Variants in UNC5D observed in about 807,000 individuals in gnomAD.
UNC5D encodes the protein unc-5 netrin receptor D.
Under a neutral mutation model 105.4 loss-of-function variants are expected in UNC5D, and 39 were observed. That is an observed-to-expected ratio of 0.37 (90% CI 0.29 to 0.48). The LOEUF (loss-of-function observed/expected upper bound fraction) is 0.48, where lower values mean the gene tolerates loss of function less well. UNC5D is among the 20% of genes least tolerant of loss of function. The pLI, the probability that UNC5D is intolerant of heterozygous loss-of-function variation, is 0.98. For synonymous variants in UNC5D, 452 were observed against 450.4 expected, an observed-to-expected ratio of 1.00 and a Z score of -0.04; for missense variants, 991 against 1,202.4, an observed-to-expected ratio of 0.82 and a Z score of 2.60.
chr8:35,525,462 T>C (rs2130488458), intron 1 of UNC5D: 1 of 1,612,308 alleles, frequency 6.2e-7, no homozygotes, highest in Non-Finnish European at 8.5e-7. Context: ...TGCATAGGCC[T>C]GGCTCAGCTT....
intron 1 of UNC5D, among the ~76,000 whole-genome samples, chr8:35,521,951 G>C (rs1199957872): frequency 6.6e-6 from 1 of 152,094 alleles, no homozygotes; most frequent in African/African-American, 2.4e-5. Context: ...TCATAAATTA[G>C]AGCAATGATC....
At chr8:35,278,689 A>T (rs761907729) in intron 1 of UNC5D, among the ~76,000 whole-genome samples, 7 of 152,140 alleles carry the variant, frequency 4.6e-5, no homozygotes, top group Non-Finnish European at 8.8e-5. Context: ...ACAAATTAAC[A>T]TATTCATCTC....
At chr8:35,551,077 T>C (rs1816101030) in intron 2 of UNC5D, among the ~76,000 whole-genome samples, 1 of 152,134 alleles carries the variant, frequency 6.6e-6, no homozygotes. Flanking sequence ...TGATCGATCA[T>C]ATTGATGTAC....
chr8:35,605,454 A>G lies in UNC5D; in HGVS notation c.570+9797A>G, dbSNP rs934428029. Among the ~76,000 whole-genome samples, 70 of 152,292 alleles carry G rather than the reference A, an allele frequency of 4.6e-4. 1 individual carries two copies. Among genetic ancestry groups the G allele is most frequent in the African/African-American group, 1.6e-3 (66 of 41,564 alleles). ...CCGTATGAGGTGTCAGTCCACCCCT[A>G]CTGGGGGTTGCCTCTCAGTTAGGCT... On this transcript the variant is annotated intron_variant, in intron 4 of 16. Transcript: ENST00000404895.
chr8:35,264,702 C>A (rs1456530162), intron 1 of UNC5D, among the ~76,000 whole-genome samples: 1 of 150,416 alleles, frequency 6.6e-6, no homozygotes, highest in East Asian at 1.9e-4. Context: ...TGCACTCCAG[C>A]CTGGGTGATG....
intron 4 of UNC5D, among the ~76,000 whole-genome samples, chr8:35,654,890 C>A (rs905099150): frequency 6.6e-6 from 1 of 152,046 alleles, no homozygotes; most frequent in Non-Finnish European, 1.5e-5. Context: ...TTTCTCAGAT[C>A]GAAAGCAAGG....
chr8:35,629,737 G>A (rs1821923272), intron 4 of UNC5D, among the ~76,000 whole-genome samples: 1 of 152,106 alleles, frequency 6.6e-6, no homozygotes, highest in Non-Finnish European at 1.5e-5. Flanking sequence ...TGTAATTAGA[G>A]ATATCTTTTA....
intron 1 of UNC5D, among the ~76,000 whole-genome samples, chr8:35,338,784 T>C (rs1215255677): frequency 6.6e-6 from 1 of 152,170 alleles, no homozygotes. Flanking sequence ...ATGTTTTCCA[T>C]GCACAAGCCC....
chr8:35,507,631 A>G (rs2589347), intron 1 of UNC5D, among the ~76,000 whole-genome samples: 69,661 of 151,092 alleles, frequency 0.46, 20,176 homozygotes, highest in African/African-American at 0.82. Context: ...TGGGGGAGGT[A>G]AAGGGGAGGT....
rs1357940211 is a variant in UNC5D, at chr8:35,248,672, TATATATAATATATATAAAATATATAAAA to T, written c.103+12841_103+12868del. On this transcript the variant is annotated intron_variant, in intron 1 of 16. Transcript: ENST00000404895. Reference sequence around the variant, plus strand: ...TATATTTATAAATATAAATATATGTTATATATAATATATATAAAATATATAAAAATATATAATATATATAAAATATATA... The same window carrying T: ...TATATTTATAAATATAAATATATGTTATATATAATATATATAAAATATATA... Among the ~76,000 whole-genome samples, 404 of 98,162 alleles carry T rather than the reference TATATATAATATATATAAAATATATAAAA, an allele frequency of 4.1e-3. 9 individuals carry two copies. Among genetic ancestry groups the T allele is most frequent in the African/African-American group, 0.016 (377 of 23,296 alleles). The allele number at this position is 98,162 out of a possible 152,430, so 64.4% of individuals were successfully genotyped here.
At chr8:35,448,348 T>C (rs12545139) in intron 1 of UNC5D, among the ~76,000 whole-genome samples, 40,683 of 151,924 alleles carry the variant, frequency 0.27, 6,010 homozygotes, top group East Asian at 0.47. Context: ...AAAATTGCTT[T>C]AAAGGTGATG....
intron 9 of UNC5D, among the ~76,000 whole-genome samples, chr8:35,724,681 C>A (rs569347895): frequency 6.6e-6 from 1 of 152,178 alleles, no homozygotes; most frequent in African/African-American, 2.4e-5. Context: ...ATCTTCTAAG[C>A]GTAGCCAAAA....
chr8:35,320,826 G>A (rs1426800423), intron 1 of UNC5D, among the ~76,000 whole-genome samples: 1 of 152,110 alleles, frequency 6.6e-6, no homozygotes, highest in African/African-American at 2.4e-5. Context: ...TGGCTGAGGG[G>A]AAGGGTCCAT....
chr8:35,736,321 A>G (rs769721893), intron 11 of UNC5D, among the ~76,000 whole-genome samples: 2 of 152,328 alleles, frequency 1.3e-5, no homozygotes, highest in Non-Finnish European at 2.9e-5. Context: ...CTGTAAGCCA[A>G]GATTGCACCA....
Position 35,250,402 on chromosome 8 carries a change from G to A in UNC5D, c.103+14515G>A, listed in dbSNP as rs541155382. ...TATATTTTAGATTCAGGGGGTGCAT[G>A]TGCAGGCTTGTTACCTGAGTATACT... On this transcript the variant is annotated intron_variant, in intron 1 of 16. Coordinates refer to ENST00000404895, the MANE Select transcript of UNC5D (RefSeq NM_080872.4). Among the ~76,000 whole-genome samples, 3 of 152,276 alleles carry A rather than the reference G, an allele frequency of 2.0e-5. No individual in the cohort carries two copies. In the South Asian group the frequency reaches 6.2e-4, roughly 32 times the overall value.
At chr8:35,745,882 C>T (rs955639756) in intron 11 of UNC5D, among the ~76,000 whole-genome samples, 1 of 152,184 alleles carries the variant, frequency 6.6e-6, no homozygotes, top group Non-Finnish European at 1.5e-5. Context: ...AAATGTGTTA[C>T]CTTTTTTTTC....
chr8:35,300,174 A>G (rs1807826378), intron 1 of UNC5D, among the ~76,000 whole-genome samples: 2 of 152,026 alleles, frequency 1.3e-5, no homozygotes, highest in South Asian at 4.1e-4. Flanking sequence ...TAGACTGGGC[A>G]TGGTGGCTCA....
intron 12 of UNC5D, 83 bp downstream of exon 12, chr8:35,748,778 C>A (rs560786917): frequency 1.4e-6 from 2 of 1,446,234 alleles, no homozygotes; most frequent in Admixed American, 2.2e-5. Context: ...TCTAACACCA[C>A]AAATCAGCAT....
chr8:35,248,082 TATA>T (rs1803277801), intron 1 of UNC5D, among the ~76,000 whole-genome samples: 1 of 71,754 alleles, frequency 1.4e-5, no homozygotes, highest in Non-Finnish European at 2.3e-5. Flanking sequence ...ATATAAAAAA[TATA>T]ATATATAAAT....
Sources: allele counts gnomAD v4.1 joint callset (sites outside exome capture counted in the v4.1 genomes callset), GRCh38; gene constraint gnomAD v4.1.1; transcripts MANE v1.5; gene names NCBI Gene and HGNC (gene_info 2026-07-23, HGNC 2026-07-21).